Variants in APH1B observed in about 807,000 individuals in gnomAD.
The protein encoded by APH1B is aph-1B gamma-secretase subunit, also known as gamma-secretase subunit APH-1B.
In APH1B, 27 loss-of-function variants were observed where a neutral mutation model predicts 28.2. The observed-to-expected ratio is 0.96, with a 90% CI of 0.70 to 1.32. The LOEUF (loss-of-function observed/expected upper bound fraction) is 1.32. APH1B is among the 40% of genes most tolerant of loss of function. APH1B has a pLI of 0.00. For synonymous variants in APH1B, 141 were observed against 124.6 expected, an observed-to-expected ratio of 1.13 and a Z score of -0.88; for missense variants, 305 against 313.6, an observed-to-expected ratio of 0.97 and a Z score of 0.21.
intron 1 of APH1B, chr15:63,278,042 G>T: frequency 2.4e-6 from 1 of 419,390 alleles, no homozygotes. Flanking sequence ...ATTTTCTGGA[G>T]GGGGAGTCCC....
At chr15:63,279,389 G>T in intron 2 of APH1B, 58 bp downstream of exon 2, 1 of 1,503,732 alleles carries the variant, frequency 6.7e-7, no homozygotes, top group East Asian at 2.3e-5. Flanking sequence ...GTTATGATTT[G>T]GTCATTTGAA....
At chr15:63,286,960 A>G (rs970297876) in intron 3 of APH1B, among the ~76,000 whole-genome samples, 2 of 152,310 alleles carry the variant, frequency 1.3e-5, no homozygotes, top group Middle Eastern at 6.8e-3. Flanking sequence ...AGTACTCTTC[A>G]TATTAAAGCA....
chr15:63,298,466 C>T (rs896594148), intron 4 of APH1B, among the ~76,000 whole-genome samples: 1 of 152,178 alleles, frequency 6.6e-6, no homozygotes, highest in Non-Finnish European at 1.5e-5. Flanking sequence ...CCACCTCAGC[C>T]TCCCAGGTGC....
At chr15:63,289,462 A>G (rs1214589277) in intron 4 of APH1B, among the ~76,000 whole-genome samples, 1 of 152,232 alleles carries the variant, frequency 6.6e-6, no homozygotes, top group Non-Finnish European at 1.5e-5. Context: ...CAGAATAAAT[A>G]AGGAATGTAG....
intron 2 of APH1B, among the ~76,000 whole-genome samples, chr15:63,279,938 C>T (rs1415298604): frequency 1.5e-4 from 23 of 151,998 alleles, no homozygotes; most frequent in Admixed American, 1.5e-3. Flanking sequence ...GCTGGGATTA[C>T]AGGTGTGCAC....
In APH1B at chr15:63,279,299, A is replaced by C. The variant is rs1220705907; in HGVS notation, c.252A>C (p.Glu84Asp). The C allele has an allele frequency of 6.8e-6, 11 of 1,609,758 alleles. No homozygotes were observed. Among genetic ancestry groups the C allele is most frequent in the African/African-American group, 1.3e-5 (1 of 74,868 alleles). ...CGTTTGTCTCTGTCTATATCCAAGA[A>C]ATGTTCCGATTTGCATATTATAAAC... ...FGAFVSVYIQEMFRFAYYKLL... is the reference protein window; with the variant it reads ...FGAFVSVYIQDMFRFAYYKLL... Residue 84 changes from glutamate to aspartate, a missense_variant, in exon 2 of 6, where the codon GAA becomes GAC. Physicochemically the swap from Glu to Asp is conservative, Grantham distance 45 (BLOSUM62 2). Coordinates refer to ENST00000261879, the MANE Select transcript of APH1B (RefSeq NM_031301.4).
chr15:63,292,447 G>A (rs948528587), intron 4 of APH1B, among the ~76,000 whole-genome samples: 3 of 152,192 alleles, frequency 2.0e-5, no homozygotes, highest in Non-Finnish European at 2.9e-5. Flanking sequence ...GGAATGCAGT[G>A]TTAATGATCT....
At chr15:63,286,691 C>T (rs1214495435) in intron 3 of APH1B, 63 bp downstream of exon 3, 4 of 1,427,414 alleles carry the variant, frequency 2.8e-6, no homozygotes, top group Admixed American at 4.3e-5. Context: ...AAGTCATTTG[C>T]ATCTTTTGTA....
At chr15:63,278,694 AT>A (rs929911606) in intron 1 of APH1B, among the ~76,000 whole-genome samples, 16 of 152,164 alleles carry the variant, frequency 1.1e-4, no homozygotes, top group Admixed American at 3.9e-4. Context: ...AGATGTAGAT[AT>A]TTTTCTGGAA....
chr15:63,297,066 G>A (rs879061225), intron 4 of APH1B, among the ~76,000 whole-genome samples: 22 of 152,340 alleles, frequency 1.4e-4, no homozygotes, highest in Admixed American at 9.1e-4. Flanking sequence ...CGACTAGACA[G>A]TTACAGTCGT....
intron 1 of APH1B, 130 bp downstream of exon 1, chr15:63,277,866 G>T (rs368854047): frequency 4.1e-5 from 37 of 902,990 alleles, no homozygotes; most frequent in South Asian, 3.6e-4. Flanking sequence ...GGTTGAGAGG[G>T]GGAGAGCGGA....
chr15:63,292,387 CTT>C (rs2038514771), intron 4 of APH1B, among the ~76,000 whole-genome samples: 1 of 152,262 alleles, frequency 6.6e-6, no homozygotes, highest in Admixed American at 6.5e-5. Flanking sequence ...TCTGTTTTCT[CTT>C]TCTCTTTTTT....
rs2038699755 is a variant in APH1B at position 63,307,634 on chromosome 15, G to C, written c.*1853G>C. On this transcript the variant is annotated 3_prime_UTR_variant, in exon 6 of 6. Transcript: ENST00000261879. The stretch of plus-strand genomic sequence containing the variant: ...ACTGGGATTATTCTTATCAAAACAT[G>C]GTCTTCTTTGAATAAGAAAAATACA... 6.6e-6 allele frequency: 1 copy of C among 152,072 alleles called. No homozygotes were observed. Among genetic ancestry groups the C allele is most frequent in the Non-Finnish European group, 1.5e-5 (1 of 68,016 alleles). 9.4% of individuals were successfully genotyped at this position (152,072 alleles called of 1,614,324 possible). A position where few individuals can be genotyped will look rare whatever the true frequency, so the allele number is the denominator to read the frequency against.
At chr15:63,293,929 AT>A (rs879446199) in intron 4 of APH1B, among the ~76,000 whole-genome samples, 1,854 of 144,224 alleles carry the variant, frequency 0.013, 27 homozygotes, top group African/African-American at 0.039. Context: ...AACTCAGCTA[AT>A]TTTTTTTTTT....
chr15:63,280,780 G>A (rs1308284823), intron 2 of APH1B, among the ~76,000 whole-genome samples: 2 of 152,170 alleles, frequency 1.3e-5, no homozygotes, highest in East Asian at 3.8e-4. Context: ...AGCTGTGTTT[G>A]AATGTTTCTG....
intron 2 of APH1B, among the ~76,000 whole-genome samples, chr15:63,285,754 G>A (rs2038438875): frequency 1.3e-5 from 2 of 152,168 alleles, no homozygotes. Flanking sequence ...CACCATGCTC[G>A]GCTGAAGATT....
intron 3 of APH1B, 59 bp downstream of exon 3, chr15:63,286,687 T>C (rs893175499): frequency 1.4e-6 from 2 of 1,436,690 alleles, no homozygotes; most frequent in Admixed American, 4.3e-5. Context: ...ATAAAAGTCA[T>C]TTGCATCTTT....
intron 3 of APH1B, chr15:63,287,148 C>T (rs2038455382): frequency 3.0e-6 from 1 of 330,962 alleles, no homozygotes; most frequent in East Asian, 5.8e-5. Context: ...GTTGTATCCT[C>T]TGTCTCACCT....
intron 4 of APH1B, among the ~76,000 whole-genome samples, chr15:63,301,540 T>G (rs565124677): frequency 8.5e-5 from 13 of 152,264 alleles, no homozygotes; most frequent in Non-Finnish European, 1.8e-4. Flanking sequence ...GCCAGTTGCC[T>G]AAGAAGCATT....
Sources: allele counts gnomAD v4.1 joint callset (sites outside exome capture counted in the v4.1 genomes callset), GRCh38; gene constraint gnomAD v4.1.1; transcripts MANE v1.5; gene names NCBI Gene and HGNC (gene_info 2026-07-23, HGNC 2026-07-21).